Variants in ANKRD42 observed in about 807,000 individuals in gnomAD.
ANKRD42 encodes ankyrin repeat domain 42.
ANKRD42 carries 43 observed loss-of-function variants against 51.5 expected under a neutral mutation model. That is an observed-to-expected ratio of 0.83 (90% CI 0.65 to 1.08). The LOEUF is 1.08. Ranked by LOEUF, ANKRD42 falls within the 50% of genes least tolerant of loss-of-function variation. The pLI is 0.00. For missense variants in ANKRD42, 608 were observed against 629.3 expected (o/e 0.97, Z 0.36); for synonymous variants, 203 against 213.0 (o/e 0.95, Z 0.41).
In ANKRD42 at chr11:83,198,492, G is replaced by GGTGCATTTTGGCAGC. The variant is rs777535581; in HGVS notation, c.73_87dup (p.Val25_Ser29dup). The stretch of plus-strand genomic sequence containing the variant: ...ATTTTTCAATAGGTTCCAGGAAGAA[G>GGTGCATTTTGGCAGC]GTGCATTTTGGCAGCATACATGATG... On this transcript the variant is annotated inframe_insertion, in exon 2 of 11. Coordinates refer to ENST00000533342, the MANE Select transcript of ANKRD42 (RefSeq NM_001300975.2). 3 of 1,611,848 alleles carry GGTGCATTTTGGCAGC rather than the reference G, an allele frequency of 1.9e-6. No individual in the cohort carries two copies. In the East Asian group the frequency reaches 6.7e-5, roughly 36 times the overall value.
chr11:83,249,689 G>C (rs188776513), downstream of ANKRD42, among the ~76,000 whole-genome samples: 51 of 152,224 alleles, frequency 3.4e-4, no homozygotes, highest in East Asian at 4.2e-3. Context: ...GCTGTCTCAA[G>C]GTCCCTGTGC....
chr11:83,257,587 T>C (rs2135570211), downstream of ANKRD42, among the ~76,000 whole-genome samples: 1 of 152,330 alleles, frequency 6.6e-6, no homozygotes, highest in East Asian at 1.9e-4. Context: ...GATTATATAA[T>C]GCTGATCTGG....
At position 83,213,411 on chromosome 11, in the gene ANKRD42, C is replaced by A; in HGVS notation, c.586+1981C>A. 3 of 1,549,718 alleles carry A rather than the reference C, an allele frequency of 1.9e-6. No individual in the cohort carries two copies. In the South Asian group the frequency reaches 3.4e-5, roughly 18 times the overall value. On this transcript the variant is annotated intron_variant, in intron 5 of 10. Coordinates refer to ENST00000533342, the MANE Select transcript of ANKRD42 (RefSeq NM_001300975.2). ...CAGTGAAGAAAATGAATAGACAGCT[C>A]ATGTGCATGTTTTGTGTTTAAATAA...
chr11:83,232,998 G>C (rs1863124266), intron 7 of ANKRD42, among the ~76,000 whole-genome samples: 1 of 152,108 alleles, frequency 6.6e-6, no homozygotes, highest in Non-Finnish European at 1.5e-5. Context: ...TTTTGTTGAT[G>C]ATTTTTGCAT....
At chr11:83,241,965 G>A (rs1863399919) in intron 9 of ANKRD42, among the ~76,000 whole-genome samples, 1 of 152,080 alleles carries the variant, frequency 6.6e-6, no homozygotes, top group Non-Finnish European at 1.5e-5. Flanking sequence ...CTGATGCCAA[G>A]GATACTAAAT....
downstream of ANKRD42, chr11:83,260,587 T>C (rs1234443070): frequency 6.6e-6 from 1 of 152,214 alleles, no homozygotes; most frequent in Non-Finnish European, 1.5e-5. Context: ...TCTTGACTGC[T>C]CTATACTGCA....
intron 5 of ANKRD42, chr11:83,213,780 C>T (rs1862420485): frequency 6.4e-6 from 1 of 156,064 alleles, no homozygotes; most frequent in South Asian, 2.0e-4. Flanking sequence ...AGATACAAGC[C>T]CTTTGTCAGT....
At chr11:83,198,207 C>G (rs867665381) in intron 1 of ANKRD42, among the ~76,000 whole-genome samples, 35 of 152,146 alleles carry the variant, frequency 2.3e-4, no homozygotes, top group Admixed American at 5.2e-4. Context: ...GCAGTTTGCC[C>G]TGAGACCTCA....
intron 5 of ANKRD42, among the ~76,000 whole-genome samples, chr11:83,221,063 G>T (rs118067677): frequency 6.6e-6 from 1 of 151,820 alleles, no homozygotes; most frequent in Non-Finnish European, 1.5e-5. Context: ...TCTTGTAGGT[G>T]ATTTTCATTT....
rs765094239 is a variant in ANKRD42 at position 83,211,440 on chromosome 11, A to G, written c.586+10A>G. 13 of 1,611,928 alleles carry G rather than the reference A, an allele frequency of 8.1e-6. No homozygotes were observed. The South Asian group carries it at 1.4e-4, about 18-fold the overall frequency. On this transcript the variant is annotated intron_variant, in intron 5 of 10. Transcript: ENST00000533342. Reference sequence around the variant, plus strand: ...AATGGAAACCTTCCAGGTATTTTAAATAAAGCAAATATTTTAGTTTTTCAT... The same window carrying G: ...AATGGAAACCTTCCAGGTATTTTAAGTAAAGCAAATATTTTAGTTTTTCAT...
At chr11:83,235,929 C>G (rs983734550) in intron 7 of ANKRD42, among the ~76,000 whole-genome samples, 1 of 152,172 alleles carries the variant, frequency 6.6e-6, no homozygotes, top group Non-Finnish European at 1.5e-5. Context: ...ACATATATAT[C>G]ATACATCTAT....
At chr11:83,218,423 C>T (rs1247455077) in intron 5 of ANKRD42, among the ~76,000 whole-genome samples, 1 of 152,212 alleles carries the variant, frequency 6.6e-6, no homozygotes, top group Admixed American at 6.5e-5. Flanking sequence ...AAAGCTGCCT[C>T]ATTTTCAATA....
chr11:83,252,067 G>A (rs113260243), downstream of ANKRD42, among the ~76,000 whole-genome samples: 1,799 of 152,236 alleles, frequency 0.012, 35 homozygotes, highest in African/African-American at 0.041. Flanking sequence ...AAATCAACGT[G>A]AAAAAGACAG....
At chr11:83,200,068 G>A (rs1861808916) in intron 2 of ANKRD42, among the ~76,000 whole-genome samples, 1 of 151,988 alleles carries the variant, frequency 6.6e-6, no homozygotes. Flanking sequence ...TCTAGTTGGA[G>A]TTTTCTGGGT....
At chr11:83,232,904 TCA>T (rs1863116767) in intron 7 of ANKRD42, among the ~76,000 whole-genome samples, 1 of 152,226 alleles carries the variant, frequency 6.6e-6, no homozygotes, top group Non-Finnish European at 1.5e-5. Context: ...ATATGTTGAA[TCA>T]TCGGTGTATC....
chr11:83,199,290 G>A (rs1014864129), intron 2 of ANKRD42, among the ~76,000 whole-genome samples: 1 of 151,972 alleles, frequency 6.6e-6, no homozygotes, highest in African/African-American at 2.4e-5. Flanking sequence ...CCTGATTTTG[G>A]TGTTTATTAT....
At chr11:83,232,763 C>G (rs935392021) in intron 7 of ANKRD42, among the ~76,000 whole-genome samples, 3 of 151,912 alleles carry the variant, frequency 2.0e-5, no homozygotes, top group Non-Finnish European at 2.9e-5. Context: ...CCTTCTATAC[C>G]CAGTTTTTGA....
intron 2 of ANKRD42, among the ~76,000 whole-genome samples, chr11:83,204,319 C>CA (rs1421904107): frequency 1.3e-5 from 2 of 152,178 alleles, no homozygotes; most frequent in Admixed American, 1.3e-4. Flanking sequence ...GATGTTGGCA[C>CA]AATTACACAT....
In ANKRD42 at chr11:83,195,847, T is replaced by C. The variant is rs192909818; in HGVS notation, c.58+1119T>C. Among the ~76,000 whole-genome samples, 1,213 of 145,748 alleles carry C rather than the reference T, an allele frequency of 8.3e-3. 7 individuals are homozygous for C. Among genetic ancestry groups the C allele is most frequent in the Middle Eastern group, 0.029 (8 of 280 alleles). The stretch of plus-strand genomic sequence containing the variant: ...ATCTACCTACTCTCTCTCTCTCTCT[T>C]TTTTTTTTTTTTTTGGAGACGGAGT... On this transcript the variant is annotated intron_variant, in intron 1 of 10. Transcript: ENST00000533342.
Sources: allele counts gnomAD v4.1 joint callset (sites outside exome capture counted in the v4.1 genomes callset), GRCh38; gene constraint gnomAD v4.1.1; transcripts MANE v1.5; gene names NCBI Gene and HGNC (gene_info 2026-07-23, HGNC 2026-07-21).